CDH4: variants seen among roughly 807,000 people sequenced by gnomAD.
The protein encoded by CDH4 is cadherin 4.
CDH4 carries 33 observed loss-of-function variants against 86.0 expected under a neutral mutation model. The ratio of observed to expected loss-of-function variants is 0.38; its 90% confidence interval spans 0.29 to 0.51. CDH4 has a LOEUF of 0.51. CDH4 is among the 20% of genes least tolerant of loss of function. The pLI is 0.86. For missense variants in CDH4, 1,114 were observed against 1,307.4 expected, an observed-to-expected ratio of 0.85 and a Z score of 2.28; for synonymous variants, 555 against 549.4, an observed-to-expected ratio of 1.01 and a Z score of -0.14.
chr20:61,908,236 C>A (rs1327604263), intron 8 of CDH4, among the ~76,000 whole-genome samples: 2 of 152,230 alleles, frequency 1.3e-5, no homozygotes, highest in African/African-American at 4.8e-5. Context: ...CGTCGCCGTC[C>A]TTTTTAGGAA....
intron 2 of CDH4, among the ~76,000 whole-genome samples, chr20:61,475,379 C>G (rs897191607): frequency 1.3e-5 from 2 of 150,592 alleles, no homozygotes; most frequent in African/African-American, 2.4e-5. Flanking sequence ...AGAAATCTGA[C>G]TGTTCTGAAC....
chr20:61,792,840 G>A (rs573330378), intron 4 of CDH4, among the ~76,000 whole-genome samples: 29 of 152,194 alleles, frequency 1.9e-4, no homozygotes, highest in African/African-American at 6.3e-4. Flanking sequence ...TGGTAGAGAC[G>A]AGGTTTCACC....
intron 6 of CDH4, among the ~76,000 whole-genome samples, chr20:61,856,373 C>G (rs1200623826): frequency 7.0e-6 from 1 of 143,584 alleles, no homozygotes; most frequent in South Asian, 2.3e-4. Context: ...GTGCCCCCCA[C>G]ACTCTTCTCC....
chr20:61,915,652 G>A (rs2054896792), intron 9 of CDH4, among the ~76,000 whole-genome samples: 2 of 152,198 alleles, frequency 1.3e-5, no homozygotes, highest in Admixed American at 1.3e-4. Flanking sequence ...CCAAAAGGTG[G>A]CCTGTTGCAT....
intron 2 of CDH4, among the ~76,000 whole-genome samples, chr20:61,741,271 C>T (rs1160817890): frequency 2.6e-5 from 4 of 152,294 alleles, no homozygotes; most frequent in Admixed American, 2.0e-4. Context: ...TGCGGTCCCC[C>T]GGGCATCACT....
At chr20:61,631,684 C>G (rs971715825) in intron 2 of CDH4, among the ~76,000 whole-genome samples, 2 of 152,240 alleles carry the variant, frequency 1.3e-5, no homozygotes, top group African/African-American at 2.4e-5. Context: ...AATCTGCATT[C>G]TCAGGTGCAC....
chr20:61,432,974 G>A (rs539516270), intron 2 of CDH4, among the ~76,000 whole-genome samples: 3 of 151,778 alleles, frequency 2.0e-5, no homozygotes, highest in East Asian at 3.9e-4. Flanking sequence ...GGGTACCTGG[G>A]ATTACAGGCA....
At chr20:61,640,390 A>G (rs931388005) in intron 2 of CDH4, among the ~76,000 whole-genome samples, 1 of 152,202 alleles carries the variant, frequency 6.6e-6, no homozygotes, top group Non-Finnish European at 1.5e-5. Flanking sequence ...ATACATGCGA[A>G]TCTGACTCAG....
At chr20:61,864,990 C>G (rs1557185) in intron 6 of CDH4, among the ~76,000 whole-genome samples, 148,868 of 152,222 alleles carry the variant, frequency 0.98, 72,894 homozygotes, top group Middle Eastern at 1. Context: ...ACACCTGGGG[C>G]ATTTTCTGCC....
chr20:61,279,994 A>G (rs2084250231), intron 2 of CDH4, among the ~76,000 whole-genome samples: 1 of 152,050 alleles, frequency 6.6e-6, no homozygotes, highest in African/African-American at 2.4e-5. Flanking sequence ...GCCCAGTGTT[A>G]GCTGACTCCA....
rs185765490 is a variant in CDH4 at position 61,551,460 on chromosome 20, G to T, written c.170-192103G>T. 2.0e-5 allele frequency among the ~76,000 whole-genome samples: 3 copies of T among 152,308 alleles called. No individual in the cohort carries two copies. The East Asian group carries it at 5.8e-4, about 29-fold the overall frequency. ...CAGATAAAGGAACAGAACCTCCCCA[G>T]CATCCAAAGCCCCTCATCTCTCTCA... On this transcript the variant is annotated intron_variant, in intron 2 of 15. Transcript: ENST00000614565.
intron 3 of CDH4, among the ~76,000 whole-genome samples, chr20:61,764,473 T>C (rs531704052): frequency 1.3e-5 from 2 of 152,212 alleles, no homozygotes; most frequent in South Asian, 4.1e-4. Context: ...AGGAAGCCTG[T>C]ACAGAGAGAC....
At chr20:61,443,663 A>T (rs1396426664) in intron 2 of CDH4, among the ~76,000 whole-genome samples, 1 of 152,242 alleles carries the variant, frequency 6.6e-6, no homozygotes. Context: ...TTTTGAGAGA[A>T]GACTGCTGGC....
At chr20:61,441,313 C>G (rs1298035722) in intron 2 of CDH4, among the ~76,000 whole-genome samples, 1 of 152,188 alleles carries the variant, frequency 6.6e-6, no homozygotes, top group African/African-American at 2.4e-5. Flanking sequence ...CAGGTCAGCC[C>G]CTTGGCTTCA....
Position 61,428,924 on chromosome 20 carries a change from G to A in CDH4, c.169+173987G>A, listed in dbSNP as rs564375177. ...GAGAGCCATTTCTCCCATGTTCACA[G>A]TGCATATGTCTCCCTCTGCCCCTTC... is the stretch of plus-strand genomic sequence containing the variant. On this transcript the variant is annotated intron_variant, in intron 2 of 15. Coordinates refer to ENST00000614565, the MANE Select transcript of CDH4 (RefSeq NM_001794.5). 1.1e-4 allele frequency among the ~76,000 whole-genome samples: 17 copies of A among 152,296 alleles called. No individual in the cohort carries two copies. In the East Asian group the frequency reaches 2.3e-3, roughly 21 times the overall value.
chr20:61,515,551 C>T lies in CDH4; in HGVS notation c.170-228012C>T, dbSNP rs563601748. On this transcript the variant is annotated intron_variant, in intron 2 of 15. Coordinates refer to ENST00000614565, the MANE Select transcript of CDH4 (RefSeq NM_001794.5). ...GCCTGTTGGGAGTCGGTTGTCCCTCCCTCCCTTCCTTCCCTCCCAGGTGGC... is the reference window on the plus strand; with the variant it reads ...GCCTGTTGGGAGTCGGTTGTCCCTCTCTCCCTTCCTTCCCTCCCAGGTGGC... 2.0e-5 allele frequency among the ~76,000 whole-genome samples: 3 copies of T among 152,160 alleles called. No homozygotes were observed. The South Asian group carries it at 6.2e-4, about 32-fold the overall frequency.
intron 2 of CDH4, among the ~76,000 whole-genome samples, chr20:61,298,626 T>A (rs2084369523): frequency 6.6e-6 from 1 of 151,892 alleles, no homozygotes; most frequent in Non-Finnish European, 1.5e-5. Flanking sequence ...AATAACATTT[T>A]TTTTCTGAGA....
chr20:61,562,042 A>T (rs572578844), intron 2 of CDH4, among the ~76,000 whole-genome samples: 367 of 141,908 alleles, frequency 2.6e-3, no homozygotes, highest in African/African-American at 9.4e-3. Flanking sequence ...TCGTGTGGAG[A>T]GGTGGACCCC....
At chr20:61,835,245 A>G (rs552951018) in intron 4 of CDH4, among the ~76,000 whole-genome samples, 47 of 148,438 alleles carry the variant, frequency 3.2e-4, no homozygotes, top group Non-Finnish European at 6.1e-4. Flanking sequence ...TTTGTTTTTT[A>G]TTTTCTTTAA....
Sources: gnomAD v4.1 joint callset for allele counts (sites outside exome capture counted in the v4.1 genomes callset) on GRCh38, gnomAD v4.1.1 for gene constraint, MANE v1.5 for transcripts, NCBI Gene and HGNC (gene_info 2026-07-23, HGNC 2026-07-21) for gene names.